GRID2: variants seen among roughly 807,000 people sequenced by gnomAD.
GRID2 encodes glutamate receptor ionotropic, delta-2.
Under a neutral mutation model 114.8 loss-of-function variants are expected in GRID2, and 33 were observed. The ratio of observed to expected loss-of-function variants is 0.29; its 90% CI spans 0.22 to 0.38. The LOEUF is 0.38. Ranked by LOEUF, GRID2 falls within the 10% of genes least tolerant of loss-of-function variation. GRID2 has a pLI of 1.00. For synonymous variants in GRID2, 505 were observed against 449.9 expected (o/e 1.12, Z -1.55); for missense variants, 1,184 against 1,257.7 (o/e 0.94, Z 0.89).
intron 2 of GRID2, among the ~76,000 whole-genome samples, chr4:92,592,577 TTG>T (rs1728754112): frequency 1.3e-5 from 2 of 151,992 alleles, no homozygotes; most frequent in Admixed American, 6.6e-5. Flanking sequence ...TGAAAGCAAA[TTG>T]AGAGAGGCAA....
intron 2 of GRID2, among the ~76,000 whole-genome samples, chr4:92,823,283 A>C (rs1199930138): frequency 5.9e-5 from 9 of 152,170 alleles, no homozygotes. Context: ...AATTTTTGAC[A>C]ATATATAAGT....
intron 13 of GRID2, among the ~76,000 whole-genome samples, chr4:93,516,201 T>C (rs1227874242): frequency 5.3e-5 from 8 of 152,142 alleles, no homozygotes; most frequent in Non-Finnish European, 1.2e-4. Context: ...ACTTTTTCTC[T>C]CTGACCTTCC....
At chr4:93,085,910 A>G (rs960159580) in intron 3 of GRID2, among the ~76,000 whole-genome samples, 2 of 152,206 alleles carry the variant, frequency 1.3e-5, no homozygotes, top group Admixed American at 6.5e-5. Flanking sequence ...TAAATTTATC[A>G]TAATTTGAGA....
chr4:93,304,279 T>TAA (rs1309456671), intron 8 of GRID2, among the ~76,000 whole-genome samples: 4 of 140,348 alleles, frequency 2.9e-5, no homozygotes, highest in African/African-American at 1.1e-4. Flanking sequence ...TATATATATA[T>TAA]AAGAGAACCC....
chr4:92,440,161 G>A (rs1444005586), intron 1 of GRID2, among the ~76,000 whole-genome samples: 1 of 146,234 alleles, frequency 6.8e-6, no homozygotes, highest in South Asian at 2.3e-4. Flanking sequence ...GCTGAGCTTG[G>A]TGAGGTGTGT....
chr4:92,901,163 T>C, intron 2 of GRID2, among the ~76,000 whole-genome samples: 1 of 152,210 alleles, frequency 6.6e-6, no homozygotes, highest in Non-Finnish European at 1.5e-5. Flanking sequence ...CTGTTTTCCA[T>C]AGATGTTGTA....
At chr4:92,425,560 C>G (rs933024538) in intron 1 of GRID2, among the ~76,000 whole-genome samples, 1 of 152,046 alleles carries the variant, frequency 6.6e-6, no homozygotes. Flanking sequence ...CACATAGTAG[C>G]AAAATAAGGT....
At chr4:93,420,191 G>A (rs1487714593) in intron 9 of GRID2, among the ~76,000 whole-genome samples, 2 of 152,088 alleles carry the variant, frequency 1.3e-5, no homozygotes, top group Non-Finnish European at 2.9e-5. Context: ...TGAATGAGTT[G>A]CATGTAAGGA....
chr4:93,094,757 G>C (rs2149333133), intron 3 of GRID2, among the ~76,000 whole-genome samples: 1 of 152,056 alleles, frequency 6.6e-6, no homozygotes, highest in East Asian at 1.9e-4. Context: ...TAGTATCTAT[G>C]TAGAAAAGAG....
Position 93,340,523 on chromosome 4 carries a change from G to A in GRID2, c.1246-55084G>A, listed in dbSNP as rs529227005. 2.0e-5 allele frequency among the ~76,000 whole-genome samples: 3 copies of A among 151,950 alleles called. No individual in the cohort carries two copies. The East Asian group carries it at 5.8e-4, about 29-fold the overall frequency. On this transcript the variant is annotated intron_variant, in intron 8 of 15. Transcript: ENST00000282020. ...TAGAAGGGGAGGAGTTTTTTTGGTT[G>A]TTTTGTGTAAGTGTATTCTGGTTTC... is the stretch of plus-strand genomic sequence containing the variant.
At chr4:93,335,468 G>A (rs1467597276) in intron 8 of GRID2, among the ~76,000 whole-genome samples, 1 of 152,058 alleles carries the variant, frequency 6.6e-6, no homozygotes, top group Non-Finnish European at 1.5e-5. Context: ...TAATTTTACA[G>A]ATCCTAACAA....
chr4:92,777,598 C>T (rs2149356406), intron 2 of GRID2, among the ~76,000 whole-genome samples: 1 of 152,022 alleles, frequency 6.6e-6, no homozygotes, highest in African/African-American at 2.4e-5. Context: ...AAGTGCTAAC[C>T]TCAACGTGAC....
chr4:92,843,040 A>G (rs2149412209), intron 2 of GRID2, among the ~76,000 whole-genome samples: 1 of 152,240 alleles, frequency 6.6e-6, no homozygotes, highest in African/African-American at 2.4e-5. Context: ...GGAGTTTGAG[A>G]CAAGCCTAGG....
At chr4:92,820,342 T>C (rs1489718222) in intron 2 of GRID2, among the ~76,000 whole-genome samples, 1 of 152,036 alleles carries the variant, frequency 6.6e-6, no homozygotes, top group African/African-American at 2.4e-5. Context: ...GAGTAGATCT[T>C]AGGGATTCTA....
chr4:93,560,221 G>GAAA (rs1734769092), intron 13 of GRID2, among the ~76,000 whole-genome samples: 1 of 7,480 alleles, frequency 1.3e-4, no homozygotes, highest in Non-Finnish European at 2.6e-4. Flanking sequence ...AGAACTTAAA[G>GAAA]TAAAAAAAAA....
chr4:93,464,221 A>C (rs1246886685), intron 11 of GRID2, among the ~76,000 whole-genome samples: 1 of 152,174 alleles, frequency 6.6e-6, no homozygotes, highest in African/African-American at 2.4e-5. Context: ...ACATCATTTA[A>C]ATTATTTAGA....
At chr4:93,091,892 G>T (rs28595652) in intron 3 of GRID2, among the ~76,000 whole-genome samples, 97 of 152,172 alleles carry the variant, frequency 6.4e-4, no homozygotes, top group Non-Finnish European at 1.0e-3. Context: ...CTGCTCTGGG[G>T]AAAAAGAAAG....
At chr4:93,554,451 T>G (rs574017168) in intron 13 of GRID2, among the ~76,000 whole-genome samples, 1 of 152,266 alleles carries the variant, frequency 6.6e-6, no homozygotes, top group African/African-American at 2.4e-5. Context: ...TTTTTTAAAT[T>G]TTTGGTTACA....
chr4:92,802,678 T>C (rs1162550003), intron 2 of GRID2, among the ~76,000 whole-genome samples: 1 of 151,968 alleles, frequency 6.6e-6, no homozygotes, highest in Non-Finnish European at 1.5e-5. Flanking sequence ...TTGGATCTAT[T>C]TGTGGGCTCC....
Sources: gnomAD v4.1 joint callset for allele counts (sites outside exome capture counted in the v4.1 genomes callset) on GRCh38, gnomAD v4.1.1 for gene constraint, MANE v1.5 for transcripts, NCBI Gene and HGNC (gene_info 2026-07-23, HGNC 2026-07-21) for gene names.